The following FSHR variants were observed in gnomAD, a reference collection of about 807,000 sequenced individuals.
FSHR encodes the protein follicle stimulating hormone receptor.
In FSHR, 46 loss-of-function variants were observed where a neutral mutation model predicts 52.1. The observed-to-expected ratio is 0.88, with a 90% CI of 0.70 to 1.13. The LOEUF is 1.13. Ranked by LOEUF, FSHR falls within the 50% of genes most tolerant of loss-of-function variation. FSHR has a pLI of 0.00. For synonymous variants in FSHR, 399 were observed against 309.6 expected, an observed-to-expected ratio of 1.29 and a Z score of -3.03; for missense variants, 964 against 834.6, an observed-to-expected ratio of 1.16 and a Z score of -1.91.
chr2:49,068,341 T>C, intron 1 of FSHR, 51 bp from the exon 2 acceptor site: 1 of 1,443,802 alleles, frequency 6.9e-7, no homozygotes, highest in Non-Finnish European at 9.7e-7. Flanking sequence ...TAATAAGTAA[T>C]TGAGTTGCTA....
chr2:48,969,005 C>T (rs187925628), intron 8 of FSHR, 122 bp from the exon 9 acceptor site: 142 of 904,300 alleles, frequency 1.6e-4, no homozygotes, highest in African/African-American at 2.5e-4. Context: ...AGAGAGACTC[C>T]GGTTCCTCCA....
chr2:49,075,342 A>G (rs949918725), intron 1 of FSHR, among the ~76,000 whole-genome samples: 1 of 152,194 alleles, frequency 6.6e-6, no homozygotes, highest in Non-Finnish European at 1.5e-5. Context: ...AAAATAAAAT[A>G]TCACATTGCA....
chr2:48,982,839 C>A, intron 8 of FSHR, 73 bp downstream of exon 8: 1 of 1,302,480 alleles, frequency 7.7e-7, no homozygotes, highest in African/African-American at 1.5e-5. Context: ...AGCTTCTCCC[C>A]TAGCTGCAGA....
rs946275983 is a variant in FSHR, at chr2:49,022,516, A to T, written c.225-2356T>A. Among the ~76,000 whole-genome samples, 4 of 152,004 alleles carry T rather than the reference A, an allele frequency of 2.6e-5. No individual in the cohort carries two copies. In the South Asian group the frequency reaches 8.3e-4, roughly 32 times the overall value. On this transcript the variant is annotated intron_variant, in intron 2 of 9. Transcript: ENST00000406846. ...TCTGTCTCTAGTTATTACTATTATA[A>T]TTTATTGGGTGTTTACCGTTTATCA... is the stretch of plus-strand genomic sequence containing the variant.
intron 3 of FSHR, among the ~76,000 whole-genome samples, chr2:49,019,852 A>G (rs181634320): frequency 1.1e-4 from 16 of 152,344 alleles, no homozygotes; most frequent in African/African-American, 3.6e-4. Flanking sequence ...TCTTGGGTCT[A>G]TGATGCAAAA....
chr2:49,024,147 C>T (rs1667837095), intron 2 of FSHR, among the ~76,000 whole-genome samples: 1 of 152,138 alleles, frequency 6.6e-6, no homozygotes, highest in South Asian at 2.1e-4. Context: ...AACTGAAGAG[C>T]TGTGACCAGT....
At chr2:49,052,040 A>C (rs1035650863) in intron 2 of FSHR, among the ~76,000 whole-genome samples, 3 of 152,194 alleles carry the variant, frequency 2.0e-5, no homozygotes, top group Non-Finnish European at 4.4e-5. Context: ...TACAGGTAGA[A>C]CAAAATCAAA....
chr2:49,128,073 G>T (rs1216598962), intron 1 of FSHR, among the ~76,000 whole-genome samples: 2 of 151,324 alleles, frequency 1.3e-5, no homozygotes, highest in African/African-American at 2.4e-5. Context: ...GTAGAGATGG[G>T]GTTTCACCAT....
chr2:49,090,552 G>A (rs943493037), intron 1 of FSHR, among the ~76,000 whole-genome samples: 3 of 152,212 alleles, frequency 2.0e-5, no homozygotes, highest in African/African-American at 7.2e-5. Flanking sequence ...GTTTGGGGAT[G>A]ATTATGAATA....
rs138027324 is a variant in FSHR at position 49,089,575 on chromosome 2, C to T, written c.153-21285G>A. ...TAAATGCTCATCTCCAGAGTAACCG[C>T]GTGTAACAAAACAACAGCTCATCCA... On this transcript the variant is annotated intron_variant, in intron 1 of 9. Coordinates refer to ENST00000406846, the MANE Select transcript of FSHR (RefSeq NM_000145.4). 8.2e-4 allele frequency among the ~76,000 whole-genome samples: 125 copies of T among 152,188 alleles called. 1 individual carries two copies. The highest frequency in any genetic ancestry group is 3.4e-3 in the Middle Eastern group (1 of 294).
chr2:49,129,219 C>T lies in FSHR; in HGVS notation c.152+25047G>A, dbSNP rs147611021. ...TCACAGTTGGGTGTTTTCCTTGAAG[C>T]TGCCCTGTTCCTCACACCTCACGTC... On this transcript the variant is annotated intron_variant, in intron 1 of 9. Transcript: ENST00000406846. 6.2e-3 allele frequency among the ~76,000 whole-genome samples: 950 copies of T among 152,230 alleles called. 4 individuals are homozygous for T. Among genetic ancestry groups the T allele is most frequent in the Non-Finnish European group, 1.0e-2 (680 of 68,020 alleles).
intron 4 of FSHR, among the ~76,000 whole-genome samples, chr2:49,001,620 A>G (rs1245877043): frequency 6.6e-6 from 1 of 152,182 alleles, no homozygotes; most frequent in African/African-American, 2.4e-5. Context: ...CCCTTCCCAC[A>G]ACTCATTTCT....
chr2:48,972,841 A>G (rs1351727345), intron 8 of FSHR, among the ~76,000 whole-genome samples: 1 of 152,176 alleles, frequency 6.6e-6, no homozygotes, highest in Non-Finnish European at 1.5e-5. Context: ...TTTCTTGATT[A>G]TGTCTCCCCC....
At chr2:49,009,724 C>T (rs1453360998) in intron 4 of FSHR, among the ~76,000 whole-genome samples, 1 of 146,924 alleles carries the variant, frequency 6.8e-6, no homozygotes, top group Non-Finnish European at 1.5e-5. Flanking sequence ...TTGTAGTTCT[C>T]CTTGAAGAGG....
At chr2:49,058,602 A>G (rs371163932) in intron 2 of FSHR, among the ~76,000 whole-genome samples, 2 of 152,196 alleles carry the variant, frequency 1.3e-5, no homozygotes, top group African/African-American at 4.8e-5. Context: ...AATTCAGTAA[A>G]GTTGAAAGAT....
At chr2:49,029,956 C>A (rs1181687614) in intron 2 of FSHR, among the ~76,000 whole-genome samples, 1 of 152,212 alleles carries the variant, frequency 6.6e-6, no homozygotes, top group African/African-American at 2.4e-5. Flanking sequence ...TGACAGCCAG[C>A]TTTCATTTTT....
In FSHR at chr2:49,127,817, CTT is replaced by C. The variant is rs1558456502; in HGVS notation, c.152+26447_152+26448del. ...TCTTCTTCTTCTTCTTCTTCTTCTT[CTT>C]CTTCTTCTTCCTCTTCTTCTTCTTC... On this transcript the variant is annotated intron_variant, in intron 1 of 9. Coordinates refer to ENST00000406846, the MANE Select transcript of FSHR (RefSeq NM_000145.4). Among the ~76,000 whole-genome samples, 53 of 49,718 alleles carry C rather than the reference CTT, an allele frequency of 1.1e-3. 1 individual carries two copies. The highest frequency in any genetic ancestry group is 2.3e-3 in the African/African-American group (28 of 11,962). The allele number at this position is 49,718 out of a possible 152,430, so 32.6% of individuals were successfully genotyped here.
intron 4 of FSHR, among the ~76,000 whole-genome samples, chr2:49,013,957 C>A (rs1445225807): frequency 2.6e-5 from 4 of 151,984 alleles, no homozygotes; most frequent in African/African-American, 7.3e-5. Context: ...TGTGTATATG[C>A]ACCAAGGTAA....
At chr2:49,110,245 G>A (rs1671376158) in intron 1 of FSHR, among the ~76,000 whole-genome samples, 1 of 152,098 alleles carries the variant, frequency 6.6e-6, no homozygotes, top group Non-Finnish European at 1.5e-5. Flanking sequence ...CCATGAAGTA[G>A]GAACAATCTC....
Sources: allele counts gnomAD v4.1 joint callset (sites outside exome capture counted in the v4.1 genomes callset), GRCh38; gene constraint gnomAD v4.1.1; transcripts MANE v1.5; gene names NCBI Gene and HGNC (gene_info 2026-07-23, HGNC 2026-07-21).